ZNF544: variants seen among roughly 807,000 people sequenced by gnomAD.
ZNF544 encodes the protein zinc finger protein AF020591.
Under a neutral mutation model 13.5 loss-of-function variants are expected in ZNF544, and 10 were observed. The ratio of observed to expected loss-of-function variants is 0.74; its 90% CI spans 0.46 to 1.25. The LOEUF is 1.25. Ranked by LOEUF, ZNF544 falls within the 50% of genes most tolerant of loss-of-function variation. The pLI, the probability that ZNF544 is intolerant of heterozygous loss-of-function variation, is 0.00. For synonymous variants in ZNF544, 323 were observed against 300.5 expected, an observed-to-expected ratio of 1.07 and a Z score of -0.77; for missense variants, 896 against 845.6, an observed-to-expected ratio of 1.06 and a Z score of -0.74.
chr19:58,249,396 T>A (rs1465530789), intron 6 of ZNF544, among the ~76,000 whole-genome samples: 1 of 152,146 alleles, frequency 6.6e-6, no homozygotes, highest in East Asian at 1.9e-4. Flanking sequence ...AGGGGTGGTG[T>A]CTCCACCTGG....
exon 7 of ZNF544, chr19:58,277,450 C>T (rs1005951199): frequency 5.0e-6 from 2 of 399,726 alleles, no homozygotes; most frequent in South Asian, 1.4e-4. Flanking sequence ...CTATACTGTT[C>T]CCTGCTATGT....
intron 6 of ZNF544, among the ~76,000 whole-genome samples, chr19:58,247,778 GT>G (rs2147139453): frequency 6.6e-6 from 1 of 152,204 alleles, no homozygotes; most frequent in East Asian, 1.9e-4. Context: ...GCAGTTTTAG[GT>G]TTATAGGTAA....
intron 1 of ZNF544, 56 bp downstream of exon 1, chr19:58,229,002 C>T (rs1221864026): frequency 6.6e-6 from 1 of 152,526 alleles, no homozygotes; most frequent in Non-Finnish European, 1.5e-5. Context: ...CCGGGTGCGG[C>T]CGGAGCGCAG....
chr19:58,251,492 AT>A, intron 6 of ZNF544: 1 of 426,276 alleles, frequency 2.3e-6, no homozygotes, highest in Non-Finnish European at 4.8e-6. Context: ...GATTGTAATT[AT>A]TGAGCAGGTG....
At chr19:58,269,132 C>A (rs144709120) in intron 5 of ZNF544, among the ~76,000 whole-genome samples, 2 of 152,236 alleles carry the variant, frequency 1.3e-5, no homozygotes, top group East Asian at 3.9e-4. Context: ...CTGAGAACAC[C>A]ACGACTAAAA....
chr19:58,262,382 T>C lies in ZNF544; in HGVS notation c.1776T>C (p.Val592=), dbSNP rs1226958379. ...GKSFSQSYQL[V]AHKRTHTGEK... ...CCTTCAGCCAAAGCTATCAGTTAGTTGCACATAAAAGAACTCACACTGGAG... is the reference window on the plus strand; with the variant it reads ...CCTTCAGCCAAAGCTATCAGTTAGTCGCACATAAAAGAACTCACACTGGAG... The change falls in exon 7 of 7, where the codon GTT becomes GTC. Residue 592 remains valine (V), a synonymous_variant. Coordinates refer to ENST00000687789, the MANE Select transcript of ZNF544 (RefSeq NM_014480.4). The C allele has an allele frequency of 6.2e-7, 1 of 1,613,856 alleles. No individual in the cohort carries two copies. Among genetic ancestry groups the C allele is most frequent in the East Asian group, 2.2e-5 (1 of 44,872 alleles).
intron 6 of ZNF544, chr19:58,257,395 T>A (rs568828506): frequency 6.6e-6 from 1 of 152,330 alleles, no homozygotes; most frequent in East Asian, 1.9e-4. Context: ...CTCTAGATGT[T>A]TCCCATTGGT....
Position 58,262,363 on chromosome 19 carries a change from G to T in ZNF544, c.1757G>T (p.Ser586Ile). The T allele has an allele frequency of 6.2e-7, 1 of 1,614,026 alleles. No individual in the cohort carries two copies. Among genetic ancestry groups the T allele is most frequent in the South Asian group, 1.1e-5 (1 of 91,078 alleles). Reference sequence around the variant, plus strand: ...TGCACTCACTGTGGAAAGTCCTTCAGCCAAAGCTATCAGTTAGTTGCACAT... The same window carrying T: ...TGCACTCACTGTGGAAAGTCCTTCATCCAAAGCTATCAGTTAGTTGCACAT... ...YDCTHCGKSFSQSYQLVAHKR... is the reference protein window; with the variant it reads ...YDCTHCGKSFIQSYQLVAHKR... Residue 586 changes from serine (S) to isoleucine (I), a missense_variant, in exon 7 of 7, where the codon AGC becomes ATC. Transcript: ENST00000687789.
intron 3 of ZNF544, 115 bp from the exon 4 acceptor site, chr19:58,243,850 T>C: frequency 3.8e-6 from 3 of 780,194 alleles, no homozygotes; most frequent in Non-Finnish European, 5.7e-6. Flanking sequence ...GTGAGGCCCA[T>C]TCCCGCACCT....
downstream of ZNF544, among the ~76,000 whole-genome samples, chr19:58,266,212 C>CAAAAAA (rs760851818): frequency 0.15 from 6,986 of 46,044 alleles, 919 homozygotes; most frequent in East Asian, 0.42. Context: ...GACTCTGTCT[C>CAAAAAA]AAAAAAAAAA....
intron 6 of ZNF544, 89 bp downstream of exon 6, chr19:58,246,883 C>A (rs2045343634): frequency 1.5e-6 from 2 of 1,332,298 alleles, no homozygotes; most frequent in East Asian, 2.3e-5. Flanking sequence ...AAGGAGGGAG[C>A]CTTGTTTGGA....
chr19:58,262,716 G>T lies in ZNF544; in HGVS notation c.2110G>T (p.Val704Leu). The change falls in exon 7 of 7, where the codon GTA (valine) becomes TTA (leucine). Residue 704 changes from valine to leucine, a missense_variant. Val to Leu is a conservative substitution (Grantham distance 32). Coordinates refer to ENST00000687789, the MANE Select transcript of ZNF544 (RefSeq NM_014480.4). ...ATCCTTCCGGCAGCAATCTCAACTTGTAGTGCATCGGCGGACACATACTGG... is the reference window on the plus strand; with the variant it reads ...ATCCTTCCGGCAGCAATCTCAACTTTTAGTGCATCGGCGGACACATACTGG... ...GKSFRQQSQL[V>L]VHRRTHTGEK... 6.2e-7 allele frequency: 1 copy of T among 1,609,894 alleles called. No homozygotes were observed. The highest frequency in any genetic ancestry group is 8.5e-7 in the Non-Finnish European group (1 of 1,177,020).
At chr19:58,271,771 G>T (rs1351671631) in intron 5 of ZNF544, among the ~76,000 whole-genome samples, 1 of 152,182 alleles carries the variant, frequency 6.6e-6, no homozygotes, top group Non-Finnish European at 1.5e-5. Flanking sequence ...AATGGTACAT[G>T]AGGAGGTAAG....
intron 6 of ZNF544, among the ~76,000 whole-genome samples, chr19:58,254,387 C>T (rs900995356): frequency 2.6e-5 from 4 of 152,084 alleles, no homozygotes; most frequent in African/African-American, 9.7e-5. Context: ...AAATTTATTC[C>T]AGTCGTTGAG....
exon 7 of ZNF544, chr19:58,277,257 C>A: frequency 1.4e-6 from 1 of 726,806 alleles, no homozygotes. Context: ...CTTGAGCCCT[C>A]AGGAGTCGGC....
downstream of ZNF544, among the ~76,000 whole-genome samples, chr19:58,266,406 G>T (rs2449639): frequency 0.62 from 92,077 of 149,602 alleles, 28,464 homozygotes; most frequent in East Asian, 0.69. Context: ...TCCCAGCTAC[G>T]AGGGAGGCTG....
chr19:58,248,502 GGATTACAT>G (rs1201712006), intron 6 of ZNF544, among the ~76,000 whole-genome samples: 3 of 151,846 alleles, frequency 2.0e-5, no homozygotes, highest in African/African-American at 7.3e-5. Flanking sequence ...CAAAGTGCTG[GGATTACAT>G]GTATGAGCCA....
In ZNF544 at chr19:58,262,989, A is replaced by G; in HGVS notation, c.*235A>G. ...CACGAGAGGACACACACTGGAGGCA[A>G]ACCCTATGAATGTGACCATTGCGAG... On this transcript the variant is annotated 3_prime_UTR_variant, in exon 7 of 7. Transcript: ENST00000687789. 7.5e-7 allele frequency: 1 copy of G among 1,336,112 alleles called. No individual in the cohort carries two copies. The allele number at this position is 1,336,112 out of a possible 1,614,324, so 82.8% of individuals were successfully genotyped here.
chr19:58,260,702 C>T (rs754773415), intron 6 of ZNF544, 149 bp from the exon 7 acceptor site: 15 of 703,922 alleles, frequency 2.1e-5, no homozygotes, highest in Non-Finnish European at 3.2e-5. Flanking sequence ...TGATCCATCC[C>T]TCCCTTTCAC....
Sources: allele counts gnomAD v4.1 joint callset (sites outside exome capture counted in the v4.1 genomes callset), GRCh38; gene constraint gnomAD v4.1.1; transcripts MANE v1.5; gene names NCBI Gene and HGNC (gene_info 2026-07-23, HGNC 2026-07-21).